NFATC1: variants seen among roughly 807,000 people sequenced by gnomAD.
NFATC1 encodes nuclear factor of activated T-cells, cytoplasmic 1.
Under a neutral mutation model 76.0 loss-of-function variants are expected in NFATC1, and 22 were observed. The observed-to-expected ratio is 0.29, with a 90% confidence interval of 0.21 to 0.41. NFATC1 has a LOEUF of 0.41. Ranked by LOEUF, NFATC1 falls within the 10% of genes least tolerant of loss-of-function variation. The probability of loss-of-function intolerance (pLI) is 1.00; values close to 1 mark genes in which losing one functional copy is unlikely to be tolerated. For synonymous variants in NFATC1, 704 were observed against 613.1 expected (o/e 1.15, Z -2.19); for missense variants, 1,357 against 1,337.7 (o/e 1.01, Z -0.23).
chr18:79,487,523 C>T (rs1171707852), intron 9 of NFATC1, among the ~76,000 whole-genome samples: 1 of 152,226 alleles, frequency 6.6e-6, no homozygotes, highest in Non-Finnish European at 1.5e-5. Flanking sequence ...CATCTAGCCC[C>T]TGGGCTCGCA....
Position 79,410,827 on chromosome 18 carries a change from A to C in NFATC1, c.552A>C (p.Ser184=). The C allele has an allele frequency of 6.2e-7, 1 of 1,611,928 alleles. No homozygotes were observed. The highest frequency in any genetic ancestry group is 8.5e-7 in the Non-Finnish European group (1 of 1,179,512). The part of the protein sequence containing the change: ...ASSLSSRSCN[S]EASSYESNYS... The stretch of plus-strand genomic sequence containing the variant: ...GCCTGTCCTCCCGGAGCTGCAACTC[A>C]GAGGCCTCCTCCTACGAGTCCAACT... Residue 184 remains serine (S), a synonymous_variant, in exon 2 of 10, where the codon TCA becomes TCC. Coordinates refer to ENST00000427363, the MANE Select transcript of NFATC1 (RefSeq NM_001278669.2). The surrounding 1 kb of genome is among the most constrained non-coding windows in gnomAD (Gnocchi z 6.7).
Position 79,411,481 on chromosome 18 carries a change from G to A in NFATC1, c.1206G>A (p.Leu402=). 3 of 1,507,582 alleles carry A rather than the reference G, an allele frequency of 2.0e-6. No individual in the cohort carries two copies. The highest frequency in any genetic ancestry group is 2.7e-6 in the Non-Finnish European group (3 of 1,130,214). 93.4% of individuals were successfully genotyped at this position (1,507,582 alleles called of 1,614,324 possible). The change falls in exon 2 of 10, where the codon CTG becomes CTA. Residue 402 remains leucine (L), a synonymous_variant. Transcript: ENST00000427363. ...ACCAGTGGGCGAAGCCCAAGCCCCT[G>A]TCCCCTACGTCCTACATGAGGTGAG... ...HPYQWAKPKP[L]SPTSYMSPTL...
In NFATC1 at chr18:79,524,385, C is replaced by T. The variant is rs1025581796; in HGVS notation, c.2783-3143C>T. Among the ~76,000 whole-genome samples the T allele has an allele frequency of 1.3e-5, 2 of 152,222 alleles. No individual in the cohort carries two copies. The highest frequency in any genetic ancestry group is 4.8e-5 in the African/African-American group (2 of 41,454). ...GGGCGGTACAGCCTCCTCTGCGGTTCGGTTGCTGTGCTGTCCTCTGCTGAG... is the reference window on the plus strand; with the variant it reads ...GGGCGGTACAGCCTCCTCTGCGGTTTGGTTGCTGTGCTGTCCTCTGCTGAG... On this transcript the variant is annotated intron_variant, in intron 9 of 9. Coordinates refer to ENST00000427363, the MANE Select transcript of NFATC1 (RefSeq NM_001278669.2). The surrounding 1 kb of genome is among the most constrained non-coding windows in gnomAD (Gnocchi z 7.2).
chr18:79,479,386 G>C (rs143525136), intron 8 of NFATC1, among the ~76,000 whole-genome samples: 121 of 152,252 alleles, frequency 7.9e-4, no homozygotes, highest in African/African-American at 2.8e-3. Context: ...CCCCCTCCAC[G>C]GGTGAGACTC....
At chr18:79,485,318 T>C (rs550472545) in intron 8 of NFATC1, among the ~76,000 whole-genome samples, 1 of 152,368 alleles carries the variant, frequency 6.6e-6, no homozygotes, top group African/African-American at 2.4e-5. Flanking sequence ...ATGTGCGCCA[T>C]TGTGAGAGCT....
intron 9 of NFATC1, among the ~76,000 whole-genome samples, chr18:79,517,580 C>T (rs1394083540): frequency 6.6e-6 from 1 of 152,154 alleles, no homozygotes; most frequent in Non-Finnish European, 1.5e-5. Context: ...GGTGGCATCA[C>T]GACGGCCTTT....
chr18:79,425,643 G>A (rs771626817), intron 2 of NFATC1, among the ~76,000 whole-genome samples: 3 of 152,114 alleles, frequency 2.0e-5, no homozygotes, highest in Non-Finnish European at 4.4e-5. Flanking sequence ...GCGCGATTCC[G>A]GGATTCTCAT....
At chr18:79,495,495 A>G (rs921487459) in intron 9 of NFATC1, among the ~76,000 whole-genome samples, 1 of 152,204 alleles carries the variant, frequency 6.6e-6, no homozygotes, top group Non-Finnish European at 1.5e-5. Context: ...TTTCGGCGTT[A>G]AGTGGAGAGC....
intron 6 of NFATC1, among the ~76,000 whole-genome samples, chr18:79,456,482 T>C (rs1334703768): frequency 6.6e-6 from 1 of 152,220 alleles, no homozygotes; most frequent in Non-Finnish European, 1.5e-5. Context: ...AGGCCCCGAT[T>C]TCCCCAGTGA....
At chr18:79,509,846 T>C (rs942111561) in intron 9 of NFATC1, among the ~76,000 whole-genome samples, 3 of 152,248 alleles carry the variant, frequency 2.0e-5, no homozygotes, top group African/African-American at 7.2e-5. Context: ...TTCTCTGGGC[T>C]GACCTCACCT....
chr18:79,424,265 C>T (rs1388503219), intron 2 of NFATC1, among the ~76,000 whole-genome samples: 10 of 152,096 alleles, frequency 6.6e-5, no homozygotes, highest in South Asian at 2.1e-4. Context: ...GGCCGGGCTC[C>T]GGGCTGCCCT....
chr18:79,397,394 C>G (rs1294581411), intron 1 of NFATC1, among the ~76,000 whole-genome samples: 3 of 151,764 alleles, frequency 2.0e-5, no homozygotes, highest in Non-Finnish European at 4.4e-5. Flanking sequence ...CCTGCGCGAC[C>G]CTGATAACTG....
In NFATC1 at chr18:79,466,608, A is replaced by C. The variant is rs115944845; in HGVS notation, c.1960-842A>C. Among the ~76,000 whole-genome samples, 1,248 of 152,322 alleles carry C rather than the reference A, an allele frequency of 8.2e-3. 19 individuals are homozygous for C. The highest frequency in any genetic ancestry group is 0.026 in the African/African-American group (1,063 of 41,570). ...TCGTAAACATGCTGCTGGCTGTTAC[A>C]TTAAAAACATGAGAAGGTAACGGCA... On this transcript the variant is annotated intron_variant, in intron 7 of 9. Coordinates refer to ENST00000427363, the MANE Select transcript of NFATC1 (RefSeq NM_001278669.2).
chr18:79,462,773 G>T (rs1175659837), intron 7 of NFATC1, among the ~76,000 whole-genome samples: 1 of 143,122 alleles, frequency 7.0e-6, no homozygotes, highest in Non-Finnish European at 1.5e-5. Flanking sequence ...AGCAGTGTGT[G>T]TCCCTGCGGG....
At chr18:79,459,157 G>A (rs111316432) in intron 6 of NFATC1, among the ~76,000 whole-genome samples, 18 of 152,338 alleles carry the variant, frequency 1.2e-4, no homozygotes, top group African/African-American at 2.6e-4. Flanking sequence ...TCCCACCTGC[G>A]CAGGAATTGC....
Position 79,440,113 on chromosome 18 carries a change from A to AGC in NFATC1, c.1386+6376_1386+6377dup, listed in dbSNP as rs1423946719. ...CCTGGCCATTGGAGTGGGGGTGTGC[A>AGC]GCTGAGACAGGAAATACGAGGCGCA... On this transcript the variant is annotated intron_variant, in intron 3 of 9. Transcript: ENST00000427363. Among the ~76,000 whole-genome samples, 8 of 152,270 alleles carry AGC rather than the reference A, an allele frequency of 5.3e-5. No homozygotes were observed. In the East Asian group the frequency reaches 1.5e-3, roughly 29 times the overall value.
At chr18:79,429,733 C>CCAAT (rs1354823733) in intron 2 of NFATC1, among the ~76,000 whole-genome samples, 3 of 152,212 alleles carry the variant, frequency 2.0e-5, no homozygotes, top group Non-Finnish European at 4.4e-5. Flanking sequence ...CTAACCAAAA[C>CCAAT]CAATCATCTT....
At chr18:79,491,133 C>G (rs1051620618) in intron 9 of NFATC1, among the ~76,000 whole-genome samples, 2 of 152,036 alleles carry the variant, frequency 1.3e-5, no homozygotes, top group African/African-American at 4.8e-5. Context: ...GTGGGTAGTC[C>G]TTGTTTAGTA....
intron 9 of NFATC1, among the ~76,000 whole-genome samples, chr18:79,521,399 C>G (rs187343995): frequency 1.3e-4 from 8 of 59,950 alleles, no homozygotes; most frequent in African/African-American, 1.4e-4. Flanking sequence ...ATGTGTGTGT[C>G]TGTGTGTGTG....
Sources: allele counts gnomAD v4.1 joint callset (sites outside exome capture counted in the v4.1 genomes callset), GRCh38; gene constraint gnomAD v4.1.1; non-coding constraint Gnocchi (gnomAD v3.1); transcripts MANE v1.5; gene names NCBI Gene and HGNC (gene_info 2026-07-23, HGNC 2026-07-21).